RAF1: variants seen among roughly 807,000 people sequenced by gnomAD.
The protein encoded by RAF1 is RAF proto-oncogene serine/threonine-protein kinase.
In RAF1, 27 loss-of-function variants were observed where a neutral mutation model predicts 81.1. That is an observed-to-expected ratio of 0.33 (90% CI 0.25 to 0.46). The LOEUF (loss-of-function observed/expected upper bound fraction) is 0.46, where lower values mean the gene tolerates loss of function less well. Ranked by LOEUF, RAF1 falls within the 20% of genes least tolerant of loss-of-function variation. The pLI, the probability that RAF1 is intolerant of heterozygous loss-of-function variation, is 1.00. For synonymous variants in RAF1, 298 were observed against 294.0 expected, an observed-to-expected ratio of 1.01 and a Z score of -0.14; for missense variants, 598 against 826.0, an observed-to-expected ratio of 0.72 and a Z score of 3.38.
At chr3:12,628,724 T>G (rs567177167) in intron 1 of RAF1, among the ~76,000 whole-genome samples, 2 of 120,924 alleles carry the variant, frequency 1.7e-5, no homozygotes, top group South Asian at 6.1e-4. Flanking sequence ...TCTATTCATA[T>G]AAGTATGATG....
rs1272924323 is a variant in RAF1 at position 12,584,616 on chromosome 3, C to T, written c.1905G>A (p.Lys635=). 1 of 1,614,060 alleles carries T rather than the reference C, an allele frequency of 6.2e-7. No homozygotes were observed. ...ATGGCTCGGAAGCGCTCCGGTTGATCTTCGGTAGAGAGTGTTGGAGCAGCT... is the reference window on the plus strand; with the variant it reads ...ATGGCTCGGAAGCGCTCCGGTTGATTTTCGGTAGAGAGTGTTGGAGCAGCT... Residue 635 remains lysine (K), a synonymous_variant, in exon 18 of 18, where the codon AAG becomes AAA. Coordinates refer to ENST00000442415, the MANE Select transcript of RAF1 (RefSeq NM_001354689.3).
chr3:12,619,175 G>A (rs1179017620), intron 1 of RAF1, among the ~76,000 whole-genome samples: 1 of 152,098 alleles, frequency 6.6e-6, no homozygotes, highest in African/African-American at 2.4e-5. Flanking sequence ...AACCTGGGAG[G>A]CGGAGCTTGC....
intron 11 of RAF1, among the ~76,000 whole-genome samples, chr3:12,593,029 C>A (rs551406720): frequency 6.6e-6 from 1 of 151,562 alleles, no homozygotes; most frequent in Non-Finnish European, 1.5e-5. Flanking sequence ...TATGAGCCAC[C>A]GTGCCTGGCC....
At chr3:12,618,814 A>C in intron 1 of RAF1, 67 bp from the exon 2 acceptor site, 1 of 1,225,008 alleles carries the variant, frequency 8.2e-7, no homozygotes, top group Non-Finnish European at 1.2e-6. Flanking sequence ...ACAATACATA[A>C]AGAGTAATTA....
At chr3:12,635,697 G>A (rs2060003831) in intron 1 of RAF1, among the ~76,000 whole-genome samples, 1 of 151,144 alleles carries the variant, frequency 6.6e-6, no homozygotes, top group South Asian at 2.1e-4. Context: ...TATTAGGCTG[G>A]GCGCGGTGGC....
intron 14 of RAF1, 114 bp downstream of exon 13, chr3:12,587,477 T>C (rs1210002698): frequency 5.7e-6 from 6 of 1,048,676 alleles, no homozygotes; most frequent in Non-Finnish European, 9.0e-6. Context: ...CCTCTGCCTC[T>C]TTCCTTAAAA....
intron 1 of RAF1, 53 bp from the exon 2 acceptor site, chr3:12,618,800 G>C: frequency 1.5e-6 from 2 of 1,320,848 alleles, no homozygotes; most frequent in South Asian, 2.5e-5. Flanking sequence ...TTCAACCCAA[G>C]AACACAATAC....
At chr3:12,656,780 T>A (rs1281632353) in intron 1 of RAF1, among the ~76,000 whole-genome samples, 2 of 152,152 alleles carry the variant, frequency 1.3e-5, no homozygotes, top group Non-Finnish European at 2.9e-5. Flanking sequence ...GTGGATCATC[T>A]GCAGTCAGGA....
At chr3:12,640,113 T>C (rs1348192870) in intron 1 of RAF1, among the ~76,000 whole-genome samples, 1 of 152,112 alleles carries the variant, frequency 6.6e-6, no homozygotes, top group Non-Finnish European at 1.5e-5. Flanking sequence ...AAACAAGAAA[T>C]GGGGAAAGGA....
chr3:12,636,892 G>A (rs2060048988), intron 1 of RAF1, among the ~76,000 whole-genome samples: 1 of 152,044 alleles, frequency 6.6e-6, no homozygotes, highest in South Asian at 2.1e-4. Context: ...TACATACCCT[G>A]GAGACTATAC....
rs1398525119 is a variant in RAF1, at chr3:12,609,300, G to A, written c.356C>T (p.Ala119Val). 7 of 1,613,408 alleles carry A rather than the reference G, an allele frequency of 4.3e-6. No homozygotes were observed. The highest frequency in any genetic ancestry group is 5.1e-6 in the Non-Finnish European group (6 of 1,179,492). Residue 119 changes from alanine (A) to valine (V), a missense_variant, in exon 4 of 18, where the codon GCG (alanine) becomes GTG (valine). Around this residue, in one of 5 missense-constraint regions of RAF1, gnomAD observed 89 missense variants for 169.2 expected, o/e 0.53. Transcript: ENST00000442415. Reference sequence around the variant, plus strand: ...TTGAAGTTCTTCTCCAATCAAAGACGCAGCATCAGTATTCCAATCTAAGCG... The same window carrying A: ...TTGAAGTTCTTCTCCAATCAAAGACACAGCATCAGTATTCCAATCTAAGCG...
At chr3:12,618,470 C>G in intron 2 of RAF1, 45 bp downstream of exon 2, 1 of 1,590,778 alleles carries the variant, frequency 6.3e-7, no homozygotes, top group Non-Finnish European at 8.6e-7. Flanking sequence ...ATGTGCTCCA[C>G]AGGCAGATAA....
chr3:12,645,111 A>T (rs1024024393), intron 1 of RAF1, among the ~76,000 whole-genome samples: 26 of 151,822 alleles, frequency 1.7e-4, no homozygotes, highest in Non-Finnish European at 2.8e-4. Flanking sequence ...AAAAAAAAAA[A>T]AAAAAAAAAA....
At position 12,618,747 on chromosome 3, in the gene RAF1, C is replaced by T. The variant is rs1395840289; in HGVS notation, c.-26G>A. The T allele has an allele frequency of 6.2e-7, 1 of 1,607,460 alleles. No individual in the cohort carries two copies. Among genetic ancestry groups the T allele is most frequent in the Non-Finnish European group, 8.5e-7 (1 of 1,174,424 alleles). ...TGATGCAGCTTAAACAATTCTTAAA[C>T]CTGGTAAGAAACACAAATAATTGTA... On this transcript the variant is annotated splice_region_variant and 5_prime_UTR_variant, in exon 2 of 18. Transcript: ENST00000442415.
chr3:12,609,952 G>T (rs1237403559), intron 3 of RAF1, among the ~76,000 whole-genome samples: 3 of 152,134 alleles, frequency 2.0e-5, no homozygotes, highest in Non-Finnish European at 4.4e-5. Flanking sequence ...TTTCAATCTA[G>T]ATAAATAGAA....
chr3:12,611,834 G>T, intron 3 of RAF1, 116 bp downstream of exon 3: 1 of 803,840 alleles, frequency 1.2e-6, no homozygotes. Context: ...ATAAAGAAAG[G>T]TATAGAAATA....
Position 12,585,709 on chromosome 3 carries a change from T to TCAAC in RAF1, c.1564_1567dup (p.Glu523GlyfsTer2). 6.2e-7 allele frequency: 1 copy of TCAAC among 1,613,936 alleles called. No homozygotes were observed. Among genetic ancestry groups the TCAAC allele is most frequent in the Non-Finnish European group, 8.5e-7 (1 of 1,179,766 alleles). On this transcript the variant is annotated stop_gained and frameshift_variant, in exon 15 of 18. Coordinates refer to ENST00000442415, the MANE Select transcript of RAF1 (RefSeq NM_001354689.3). LOFTEE classifies it high-confidence loss of function. ...CCAGAGGACAGAGCCAGTAGGTTGTTCAACCTGCTGAGAACCACTCCAGCG... is the reference window on the plus strand; with the variant it reads ...CCAGAGGACAGAGCCAGTAGGTTGTTCAACCAACCTGCTGAGAACCACTCCAGCG...
At position 12,636,386 on chromosome 3, in the gene RAF1, C is replaced by T. The variant is rs117723251; in HGVS notation, c.-26-17639G>A. On this transcript the variant is annotated intron_variant, in intron 1 of 17. Transcript: ENST00000442415. Reference sequence around the variant, plus strand: ...TCACTTGAGGCCATGGTGGAAGAATCGCTTAAGCCCAGTAGTTCAAGACCA... The same window carrying T: ...TCACTTGAGGCCATGGTGGAAGAATTGCTTAAGCCCAGTAGTTCAAGACCA... Among the ~76,000 whole-genome samples the T allele has an allele frequency of 6.5e-4, 98 of 150,048 alleles. 1 individual carries two copies. The East Asian group carries it at 0.016, about 25-fold the overall frequency.
intron 7 of RAF1, 44 bp downstream of exon 7, chr3:12,604,092 C>T (rs371898010): frequency 5.6e-6 from 9 of 1,608,728 alleles, no homozygotes; most frequent in Non-Finnish European, 7.7e-6. Context: ...TCAACCTCAC[C>T]CCATTAATTG....
Sources: gnomAD v4.1 joint callset for allele counts (sites outside exome capture counted in the v4.1 genomes callset) on GRCh38, gnomAD v4.1.1 for gene constraint, gnomAD v4.1.1 regional missense constraint, MANE v1.5 for transcripts, NCBI Gene and HGNC (gene_info 2026-07-23, HGNC 2026-07-21) for gene names.